The following SOX5 variants were observed in gnomAD, a reference collection of about 807,000 sequenced individuals.
SOX5 encodes SRY-box transcription factor 5.
In SOX5, 9 loss-of-function variants were observed where a neutral mutation model predicts 92.0. The observed-to-expected ratio is 0.10, with a 90% CI of 0.06 to 0.17. The LOEUF is 0.17. Ranked by LOEUF, SOX5 falls within the 10% of genes least tolerant of loss-of-function variation. The pLI, the probability that SOX5 is intolerant of heterozygous loss-of-function variation, is 1.00. For missense variants in SOX5, 642 were observed against 944.5 expected (o/e 0.68, Z 4.20); for synonymous variants, 344 against 336.3 (o/e 1.02, Z -0.25).
chr12:24,296,604 A>C (rs1947275114), intron 2 of SOX5, among the ~76,000 whole-genome samples: 1 of 152,222 alleles, frequency 6.6e-6, no homozygotes, highest in African/African-American at 2.4e-5. Flanking sequence ...CTTTTGAAGA[A>C]GTGAAAAGCA....
intron 1 of SOX5, among the ~76,000 whole-genome samples, chr12:24,401,350 T>G (rs60505908): frequency 0.22 from 25,080 of 116,630 alleles, 2,288 homozygotes; most frequent in Non-Finnish European, 0.24. Flanking sequence ...AGACTCCATC[T>G]CAGGGGAAAA....
At chr12:24,334,913 T>TA (rs55668750) in intron 2 of SOX5, among the ~76,000 whole-genome samples, 86,601 of 147,766 alleles carry the variant, frequency 0.59, 25,148 homozygotes, top group Admixed American at 0.63. Flanking sequence ...CCCAATTATG[T>TA]AAAAAAAAAA....
At chr12:23,630,661 T>A (rs565824331) in intron 8 of SOX5, among the ~76,000 whole-genome samples, 1 of 152,038 alleles carries the variant, frequency 6.6e-6, no homozygotes, top group East Asian at 1.9e-4. Flanking sequence ...AGACTTTGCA[T>A]GCATTATTTC....
chr12:24,501,857 A>G (rs1022853468), intron 1 of SOX5, among the ~76,000 whole-genome samples: 5 of 152,204 alleles, frequency 3.3e-5, no homozygotes, highest in Non-Finnish European at 7.3e-5. Flanking sequence ...AAATTTCCTC[A>G]CTGACACTGT....
intron 2 of SOX5, among the ~76,000 whole-genome samples, chr12:23,880,729 G>C (rs1251181319): frequency 6.6e-6 from 1 of 152,034 alleles, no homozygotes; most frequent in East Asian, 1.9e-4. Context: ...CTGACCAGTG[G>C]GACGGAACAA....
chr12:24,214,763 G>A (rs2139718247), intron 3 of SOX5, among the ~76,000 whole-genome samples: 1 of 152,148 alleles, frequency 6.6e-6, no homozygotes, highest in Non-Finnish European at 1.5e-5. Context: ...ACATACCAGA[G>A]CTACAGACTT....
chr12:24,549,421 A>G (rs1300937756), intron 1 of SOX5, among the ~76,000 whole-genome samples: 1 of 152,240 alleles, frequency 6.6e-6, no homozygotes, highest in Non-Finnish European at 1.5e-5. Flanking sequence ...ATGAAGAAAC[A>G]AAACAAAAAG....
At chr12:23,848,774 T>G (rs2096601015) in intron 2 of SOX5, among the ~76,000 whole-genome samples, 1 of 152,116 alleles carries the variant, frequency 6.6e-6, no homozygotes, top group Admixed American at 6.6e-5. Flanking sequence ...TTAATCAAGT[T>G]TTGTGAATTC....
chr12:23,669,976 A>G (rs1300702117), intron 6 of SOX5, among the ~76,000 whole-genome samples: 2 of 152,192 alleles, frequency 1.3e-5, no homozygotes, highest in Non-Finnish European at 2.9e-5. Context: ...TCTAGAAAAG[A>G]TCTGAAGGAA....
At chr12:23,881,061 G>T (rs931840380) in intron 2 of SOX5, among the ~76,000 whole-genome samples, 2 of 152,010 alleles carry the variant, frequency 1.3e-5, no homozygotes, top group African/African-American at 4.8e-5. Context: ...TAGAGGGGTG[G>T]GGAAAGGGAG....
intron 2 of SOX5, among the ~76,000 whole-genome samples, chr12:24,352,089 T>C (rs1954159944): frequency 6.6e-6 from 1 of 152,226 alleles, no homozygotes; most frequent in Admixed American, 6.5e-5. Flanking sequence ...TCCTTCTTGG[T>C]GTTGTCCAAT....
intron 4 of SOX5, among the ~76,000 whole-genome samples, chr12:24,049,435 T>G (rs761448540): frequency 3.9e-5 from 6 of 152,120 alleles, no homozygotes; most frequent in Non-Finnish European, 8.8e-5. Context: ...ACTGAAACAG[T>G]GAGAAAGCAT....
chr12:24,386,440 A>C (rs1283546982), intron 1 of SOX5, among the ~76,000 whole-genome samples: 3 of 152,204 alleles, frequency 2.0e-5, no homozygotes, highest in Non-Finnish European at 4.4e-5. Context: ...TACTATTATC[A>C]ATCCTATGTT....
chr12:24,509,096 C>A (rs1293215161), intron 1 of SOX5, among the ~76,000 whole-genome samples: 1 of 152,182 alleles, frequency 6.6e-6, no homozygotes, highest in Non-Finnish European at 1.5e-5. Flanking sequence ...AGCGTGATGG[C>A]CAGTCAGTAG....
chr12:24,521,781 T>C (rs888145407), intron 1 of SOX5, among the ~76,000 whole-genome samples: 3 of 151,536 alleles, frequency 2.0e-5, no homozygotes, highest in African/African-American at 4.9e-5. Flanking sequence ...AAACACAACA[T>C]ACCAAAACCT....
intron 6 of SOX5, among the ~76,000 whole-genome samples, chr12:23,699,888 A>G (rs989291852): frequency 6.6e-6 from 1 of 152,184 alleles, no homozygotes; most frequent in Non-Finnish European, 1.5e-5. Flanking sequence ...CTTTTAAAAT[A>G]GTTGATGCCC....
At chr12:23,687,806 A>T (rs887486603) in intron 6 of SOX5, among the ~76,000 whole-genome samples, 1 of 152,062 alleles carries the variant, frequency 6.6e-6, no homozygotes, top group African/African-American at 2.4e-5. Context: ...GACCATCTCT[A>T]CAATGGCTGC....
chr12:24,306,130 G>C (rs1948537628), intron 2 of SOX5, among the ~76,000 whole-genome samples: 1 of 152,146 alleles, frequency 6.6e-6, no homozygotes, highest in East Asian at 1.9e-4. Flanking sequence ...CACACCCATA[G>C]AAAATTCTCC....
At chr12:23,686,250 A>T (rs372569643) in intron 6 of SOX5, among the ~76,000 whole-genome samples, 2 of 152,308 alleles carry the variant, frequency 1.3e-5, no homozygotes, top group East Asian at 1.9e-4. Flanking sequence ...TTCAGAATGA[A>T]AAAAAATTGT....
Sources: allele counts gnomAD v4.1 joint callset (sites outside exome capture counted in the v4.1 genomes callset), GRCh38; gene constraint gnomAD v4.1.1; transcripts MANE v1.5; gene names NCBI Gene and HGNC (gene_info 2026-07-23, HGNC 2026-07-21).